The following ZFPM2 variants were observed in gnomAD, a reference collection of about 807,000 sequenced individuals.
ZFPM2 encodes the protein zinc finger protein, FOG family member 2.
A neutral mutation model predicts 98.6 loss-of-function variants in ZFPM2; 20 were observed. That is an observed-to-expected ratio of 0.20 (90% confidence interval 0.14 to 0.29). The LOEUF is 0.29. Ranked by LOEUF, ZFPM2 falls within the 10% of genes least tolerant of loss-of-function variation. The pLI is 1.00. For missense variants in ZFPM2, 1,310 were observed against 1,388.6 expected (o/e 0.94, Z 0.90); for synonymous variants, 518 against 502.7 (o/e 1.03, Z -0.41).
intron 5 of ZFPM2, chr8:105,684,885 T>G (rs757302117): frequency 6.6e-6 from 1 of 152,046 alleles, no homozygotes; most frequent in Non-Finnish European, 1.5e-5. Flanking sequence ...CATAAAGAAT[T>G]TACCTGCTGA....
chr8:105,609,051 C>G (rs961160293), intron 4 of ZFPM2, among the ~76,000 whole-genome samples: 5 of 151,852 alleles, frequency 3.3e-5, no homozygotes, highest in Admixed American at 3.3e-4. Flanking sequence ...CAATGACACA[C>G]ACACAATTAA....
Position 105,701,871 on chromosome 8 carries a change from T to C in ZFPM2, c.532+67514T>C, listed in dbSNP as rs1046215227. 8.6e-4 allele frequency among the ~76,000 whole-genome samples: 131 copies of C among 152,198 alleles called. 2 individuals carry two copies. The highest frequency in any genetic ancestry group is 3.9e-4 in the Admixed American group (6 of 15,272). On this transcript the variant is annotated intron_variant, in intron 5 of 7. Coordinates refer to ENST00000407775, the MANE Select transcript of ZFPM2 (RefSeq NM_012082.4). ...GCATAAACAAATCACCAGTCAAACATAGCAGCAGGTTTGATGTGCTTGCAC... is the reference window on the plus strand; with the variant it reads ...GCATAAACAAATCACCAGTCAAACACAGCAGCAGGTTTGATGTGCTTGCAC...
At chr8:105,779,318 G>C (rs919409537) in intron 5 of ZFPM2, among the ~76,000 whole-genome samples, 2 of 152,154 alleles carry the variant, frequency 1.3e-5, no homozygotes, top group Admixed American at 1.3e-4. Context: ...TCCATATCTT[G>C]ATGAGCCCCC....
intron 1 of ZFPM2, among the ~76,000 whole-genome samples, chr8:105,336,678 G>A (rs538462533): frequency 8.3e-4 from 112 of 135,146 alleles, no homozygotes; most frequent in Non-Finnish European, 1.3e-3. Context: ...ATATTAAAAT[G>A]TAATATACTC....
At chr8:105,468,898 G>A (rs891338965) in intron 3 of ZFPM2, among the ~76,000 whole-genome samples, 4 of 151,708 alleles carry the variant, frequency 2.6e-5, no homozygotes, top group Admixed American at 6.6e-5. Context: ...AAACTCTCCA[G>A]TCTTTGAATC....
At position 105,802,061 on chromosome 8, in the gene ZFPM2, A is replaced by T. The variant is rs1440075231; in HGVS notation, c.1979A>T (p.Asp660Val). Residue 660 changes from aspartate to valine, a missense_variant, in exon 8 of 8, where the codon GAT becomes GTT. Asp to Val is a radical substitution (Grantham distance 152). Transcript: ENST00000407775. ...AAGCTCTCCACCTCCAGTAACAATG[A>T]TGACAAAATTAATGGAAAACCTGTT... ...TKKLSTSSNN[D>V]DKINGKPVDV... The T allele has an allele frequency of 6.2e-7, 1 of 1,613,708 alleles. No homozygotes were observed. Among genetic ancestry groups the T allele is most frequent in the Non-Finnish European group, 8.5e-7 (1 of 1,179,882 alleles).
At chr8:105,690,838 C>T (rs542403514) in intron 5 of ZFPM2, 1 of 152,282 alleles carries the variant, frequency 6.6e-6, no homozygotes, top group East Asian at 1.9e-4. Context: ...TTACCAAAAG[C>T]ACTATTACCT....
chr8:105,465,488 T>G (rs1481218936), intron 3 of ZFPM2, among the ~76,000 whole-genome samples: 1 of 151,942 alleles, frequency 6.6e-6, no homozygotes, highest in Non-Finnish European at 1.5e-5. Context: ...TTTATTATTT[T>G]ATATCACACA....
chr8:105,713,712 G>C (rs1483400696), intron 5 of ZFPM2, among the ~76,000 whole-genome samples: 2 of 152,086 alleles, frequency 1.3e-5, no homozygotes, highest in Non-Finnish European at 2.9e-5. Flanking sequence ...TTATTGAATA[G>C]ATAGTCCTTT....
chr8:105,510,398 G>GTTT (rs756888707), intron 3 of ZFPM2, among the ~76,000 whole-genome samples: 37 of 138,654 alleles, frequency 2.7e-4, no homozygotes, highest in African/African-American at 2.9e-4. Context: ...GTCTGTGCAT[G>GTTT]TTTTTTTTTT....
chr8:105,802,233 A>T lies in ZFPM2; in HGVS notation c.2151A>T (p.Pro717=). 1 of 1,613,898 alleles carries T rather than the reference A, an allele frequency of 6.2e-7. No individual in the cohort carries two copies. The highest frequency in any genetic ancestry group is 8.5e-7 in the Non-Finnish European group (1 of 1,179,868). ...QYYCATRHDP[P]LKRSASNKVP... Reference sequence around the variant, plus strand: ...ACTGTGCTACACGCCACGACCCTCCACTGAAGAGGTCTGCTTCCAACAAAG... The same window carrying T: ...ACTGTGCTACACGCCACGACCCTCCTCTGAAGAGGTCTGCTTCCAACAAAG... Residue 717 remains proline (P), a synonymous_variant, in exon 8 of 8, where the codon CCA becomes CCT. Transcript: ENST00000407775.
At chr8:105,493,894 G>T (rs560099964) in intron 3 of ZFPM2, among the ~76,000 whole-genome samples, 18 of 151,796 alleles carry the variant, frequency 1.2e-4, no homozygotes, top group African/African-American at 4.3e-4. Flanking sequence ...TCAATTTTAG[G>T]AATTACTTTG....
chr8:105,554,127 T>C (rs145821816), intron 3 of ZFPM2, among the ~76,000 whole-genome samples: 28 of 152,308 alleles, frequency 1.8e-4, no homozygotes, highest in Non-Finnish European at 2.8e-4. Context: ...AAAGTATCTC[T>C]ATAAGGCAAT....
intron 5 of ZFPM2, among the ~76,000 whole-genome samples, chr8:105,764,002 C>T (rs1320331876): frequency 1.3e-5 from 2 of 151,724 alleles, no homozygotes; most frequent in Non-Finnish European, 2.9e-5. Flanking sequence ...AAACTAATTA[C>T]TTTCAGGATC....
chr8:105,325,069 A>G (rs1812090849), intron 1 of ZFPM2, among the ~76,000 whole-genome samples: 1 of 151,812 alleles, frequency 6.6e-6, no homozygotes, highest in African/African-American at 2.4e-5. Flanking sequence ...GACTAGTAGG[A>G]TATTTCAGAG....
intron 5 of ZFPM2, among the ~76,000 whole-genome samples, chr8:105,686,056 T>C (rs879803178): frequency 1.6e-4 from 25 of 152,060 alleles, no homozygotes; most frequent in Non-Finnish European, 3.5e-4. Flanking sequence ...ATCCTAATGA[T>C]CATAATATTG....
At chr8:105,327,962 G>T (rs1283592385) in intron 1 of ZFPM2, among the ~76,000 whole-genome samples, 3 of 151,710 alleles carry the variant, frequency 2.0e-5, no homozygotes, top group Non-Finnish European at 4.4e-5. Flanking sequence ...GTGCTGAGAA[G>T]TTCAAAGGCA....
chr8:105,330,567 TAC>T (rs754155388), intron 1 of ZFPM2, among the ~76,000 whole-genome samples: 44 of 71,940 alleles, frequency 6.1e-4, no homozygotes, highest in South Asian at 5.8e-3. Flanking sequence ...TATATATATA[TAC>T]ATATATATAT....
chr8:105,693,627 T>C (rs1293217888), intron 5 of ZFPM2, among the ~76,000 whole-genome samples: 1 of 152,218 alleles, frequency 6.6e-6, no homozygotes, highest in Non-Finnish European at 1.5e-5. Context: ...AATTTTGTTA[T>C]CCATTTTAAA....
Sources: gnomAD v4.1 joint callset for allele counts (sites outside exome capture counted in the v4.1 genomes callset) on GRCh38, gnomAD v4.1.1 for gene constraint, MANE v1.5 for transcripts, NCBI Gene and HGNC (gene_info 2026-07-23, HGNC 2026-07-21) for gene names.